Variants in EHD1 observed in about 807,000 individuals in gnomAD.
EHD1 encodes the protein EH domain containing 1.
A neutral mutation model predicts 39.0 loss-of-function variants in EHD1; 19 were observed. The ratio of observed to expected loss-of-function variants is 0.49; its 90% CI spans 0.34 to 0.72. The LOEUF (loss-of-function observed/expected upper bound fraction) is 0.72. EHD1 is among the 30% of genes least tolerant of loss of function. EHD1 has a pLI of 0.01. For synonymous variants in EHD1, 323 were observed against 331.2 expected, an observed-to-expected ratio of 0.98 and a Z score of 0.27; for missense variants, 542 against 751.5, an observed-to-expected ratio of 0.72 and a Z score of 3.26.
chr11:64,855,474 T>G lies in EHD1; in HGVS notation c.928A>C (p.Ile310Leu). ...ATCTCTTTCTTGAGGGAGCTGATGATGTAGGCGTGAACCTGTGAGGACGGG... is the reference window on the plus strand; with the variant it reads ...ATCTCTTTCTTGAGGGAGCTGATGAGGTAGGCGTGAACCTGTGAGGACGGG... Reference protein sequence around the residue: ...RARLAKVHAYIISSLKKEMPN... With the variant: ...RARLAKVHAYLISSLKKEMPN... The change falls in exon 4 of 5, where the codon ATC (isoleucine) becomes CTC (leucine). Residue 310 changes from isoleucine (I) to leucine (L), a missense_variant. Physicochemically the swap from Ile to Leu is conservative, Grantham distance 5 (BLOSUM62 2). Coordinates refer to ENST00000320631, the MANE Select transcript of EHD1 (RefSeq NM_006795.4). 6.2e-7 allele frequency: 1 copy of G among 1,613,868 alleles called. No individual in the cohort carries two copies. The highest frequency in any genetic ancestry group is 1.1e-5 in the South Asian group (1 of 91,066).
intron 2 of EHD1, among the ~76,000 whole-genome samples, chr11:64,862,797 C>A (rs566061320): frequency 2.6e-5 from 4 of 152,276 alleles, no homozygotes; most frequent in African/African-American, 9.6e-5. Context: ...TAACCTGAGC[C>A]CAGGAGGTTG....
In EHD1 at chr11:64,868,489, C is replaced by T. The variant is rs1010712386; in HGVS notation, c.502+5932G>A. ...CATCCCTATGATGGGACAAGGACCC[C>T]CAACAAAGAGGAGCGGGCCACAGGG... On this transcript the variant is annotated intron_variant, in intron 2 of 4. Coordinates refer to ENST00000320631, the MANE Select transcript of EHD1 (RefSeq NM_006795.4). This position sits in a 1 kb window ranked among gnomAD's most constrained non-coding sequence, Gnocchi z 4.2. Among the ~76,000 whole-genome samples the T allele has an allele frequency of 3.9e-5, 6 of 152,184 alleles. No homozygotes were observed. The highest frequency in any genetic ancestry group is 1.2e-4 in the African/African-American group (5 of 41,440).
intron 2 of EHD1, among the ~76,000 whole-genome samples, chr11:64,864,579 C>A (rs1943748492): frequency 6.6e-6 from 1 of 152,226 alleles, no homozygotes; most frequent in African/African-American, 2.4e-5. Flanking sequence ...CAGCCCACAG[C>A]CTTTTATGGC....
chr11:64,865,114 G>C (rs1943754011), intron 2 of EHD1, among the ~76,000 whole-genome samples: 1 of 152,222 alleles, frequency 6.6e-6, no homozygotes, highest in Non-Finnish European at 1.5e-5. Flanking sequence ...ATGTGCTTTT[G>C]CTGTGAGGGA....
chr11:64,859,979 C>G lies in EHD1; in HGVS notation c.860G>C (p.Arg287Pro). The G allele has an allele frequency of 4.3e-6, 7 of 1,613,832 alleles. No individual in the cohort carries two copies. Among genetic ancestry groups the G allele is most frequent in the Non-Finnish European group, 5.9e-6 (7 of 1,179,988 alleles). The change falls in exon 3 of 5, where the codon CGA becomes CCA. Residue 287 changes from arginine to proline, a missense_variant. Physicochemically the swap from Arg to Pro is moderately radical, Grantham distance 103 (BLOSUM62 -2). Transcript: ENST00000320631. Reference sequence around the variant, plus strand: ...ATTGAGCTTCCTGAGGGCGGCGTTTCGGGGCAGTGACTGGATGTCCTTGAA... The same window carrying G: ...ATTGAGCTTCCTGAGGGCGGCGTTTGGGGGCAGTGACTGGATGTCCTTGAA... ...DLFKDIQSLPRNAALRKLNDL... is the reference protein window; with the variant it reads ...DLFKDIQSLPPNAALRKLNDL...
chr11:64,855,728 T>G, intron 3 of EHD1: 1 of 549,244 alleles, frequency 1.8e-6, no homozygotes, highest in African/African-American at 1.9e-5. Context: ...GAAAACGCAC[T>G]TGAAACAGAA....
intron 2 of EHD1, 143 bp from the exon 3 acceptor site, chr11:64,860,479 A>G: frequency 1.7e-6 from 2 of 1,209,460 alleles, no homozygotes; most frequent in African/African-American, 3.1e-5. Context: ...TCACGCCTGT[A>G]ATCCCAACAC....
At chr11:64,869,602 A>G (rs2136493900) in intron 2 of EHD1, among the ~76,000 whole-genome samples, 1 of 152,346 alleles carries the variant, frequency 6.6e-6, no homozygotes, top group South Asian at 2.1e-4. Flanking sequence ...TGGAGAGGCT[A>G]TGGTGTTTCC....
At position 64,877,855 on chromosome 11, in the gene EHD1, G is replaced by A. The variant is rs1943901779; in HGVS notation, c.404+206C>T. ...AAGATTCTGGGGAGGACAGAAGCTG[G>A]GGGAGCCGACAACGCCCACTCTTAG... On this transcript the variant is annotated intron_variant, in intron 1 of 4. Transcript: ENST00000320631. 6.7e-6 allele frequency: 3 copies of A among 444,678 alleles called. No homozygotes were observed. The Admixed American group carries it at 1.2e-4, about 18-fold the overall frequency. The allele number at this position is 444,678 out of a possible 1,614,324, so 27.5% of individuals were successfully genotyped here. A position where few individuals can be genotyped will look rare whatever the true frequency, so the allele number is the denominator to read the frequency against.
intron 2 of EHD1, among the ~76,000 whole-genome samples, chr11:64,870,361 G>T (rs1446413563): frequency 6.6e-6 from 1 of 152,142 alleles, no homozygotes; most frequent in Admixed American, 6.5e-5. Context: ...TCCTAGCGCC[G>T]ACACTTGCTG....
intron 2 of EHD1, among the ~76,000 whole-genome samples, chr11:64,867,538 G>A (rs1466507418): frequency 6.6e-6 from 1 of 152,080 alleles, no homozygotes; most frequent in Non-Finnish European, 1.5e-5. Flanking sequence ...GGTCAACATG[G>A]TGAAACCCTG....
intron 2 of EHD1, among the ~76,000 whole-genome samples, chr11:64,861,250 C>T (rs143567872): frequency 4.3e-4 from 66 of 152,198 alleles, no homozygotes; most frequent in African/African-American, 1.5e-3. Context: ...GCAGGATTAT[C>T]TCCCCTATTC....
intron 2 of EHD1, among the ~76,000 whole-genome samples, chr11:64,862,423 G>A (rs1943725696): frequency 6.6e-6 from 1 of 152,148 alleles, no homozygotes; most frequent in Non-Finnish European, 1.5e-5. Context: ...ACAAGAAAAG[G>A]TGCATGAGCC....
intron 1 of EHD1, 69 bp from the exon 2 acceptor site, chr11:64,874,587 G>C (rs2136501215): frequency 5.4e-6 from 7 of 1,295,772 alleles, no homozygotes; most frequent in Non-Finnish European, 7.3e-6. Context: ...CACAACAAAG[G>C]GCTCTCTGTA....
At chr11:64,869,987 G>A (rs1166384126) in intron 2 of EHD1, among the ~76,000 whole-genome samples, 1 of 152,222 alleles carries the variant, frequency 6.6e-6, no homozygotes, top group Non-Finnish European at 1.5e-5. Context: ...CAGCTCCCAG[G>A]CTTAGAGGGA....
chr11:64,871,707 G>A (rs905460089), intron 2 of EHD1, among the ~76,000 whole-genome samples: 1 of 152,214 alleles, frequency 6.6e-6, no homozygotes, highest in Non-Finnish European at 1.5e-5. Flanking sequence ...AATGGGTAGA[G>A]ATGACCTTCT....
At position 64,855,541 on chromosome 11, in the gene EHD1, G is replaced by A; in HGVS notation, c.916-55C>T. ...CTCTTGGCCCAGGCTGCCCCCGAGA[G>A]CAGAGCCTCCAAGGACACTCCAAGG... On this transcript the variant is annotated intron_variant, in intron 3 of 4. Transcript: ENST00000320631. The A allele has an allele frequency of 4.4e-6, 7 of 1,605,934 alleles. No individual in the cohort carries two copies. In the East Asian group the frequency reaches 1.6e-4, roughly 36 times the overall value.
chr11:64,874,248 G>A (rs566385063), intron 2 of EHD1, among the ~76,000 whole-genome samples, 173 bp downstream of exon 2: 4 of 144,862 alleles, frequency 2.8e-5, no homozygotes, highest in African/African-American at 1.0e-4. Flanking sequence ...AGGTTGCAGT[G>A]AGCTGAGATC....
rs1943599293 is a variant in EHD1, at chr11:64,853,064, G to A, written c.*1269C>T. 1 of 152,252 alleles carries A rather than the reference G, an allele frequency of 6.6e-6. No individual in the cohort carries two copies. Among genetic ancestry groups the A allele is most frequent in the African/African-American group, 2.4e-5 (1 of 41,458 alleles). The allele number at this position is 152,252 out of a possible 1,614,324, so 9.4% of individuals were successfully genotyped here. The stretch of plus-strand genomic sequence containing the variant: ...CAAACGCGCCCGGGCCCTGGAGGCT[G>A]GGCTCAATGGCCCCAGGCAGAGGAG... On this transcript the variant is annotated 3_prime_UTR_variant, in exon 5 of 5. Transcript: ENST00000320631.
Sources: gnomAD v4.1 joint callset for allele counts (sites outside exome capture counted in the v4.1 genomes callset) on GRCh38, gnomAD v4.1.1 for gene constraint, Gnocchi (gnomAD v3.1) non-coding constraint, MANE v1.5 for transcripts, NCBI Gene and HGNC (gene_info 2026-07-23, HGNC 2026-07-21) for gene names.